Variants in RBFOX1 observed in about 807,000 individuals in gnomAD.
The protein encoded by RBFOX1 is RNA binding fox-1 homolog 1.
In RBFOX1, 8 loss-of-function variants were observed where a neutral mutation model predicts 57.7. The ratio of observed to expected loss-of-function variants is 0.14; its 90% CI spans 0.08 to 0.25. The LOEUF is 0.25. Among genes scored for constraint, RBFOX1 ranks in the 10% least tolerant of loss-of-function variants. The pLI, the probability that RBFOX1 is intolerant of heterozygous loss-of-function variation, is 1.00. For missense variants in RBFOX1, 611 were observed against 548.5 expected (o/e 1.11, Z -1.14); for synonymous variants, 326 against 222.4 (o/e 1.47, Z -4.15).
In RBFOX1 at chr16:6,886,784, A is replaced by G. The variant is rs960422828; in HGVS notation, c.-15-165273A>G. ...AAACAAAAACAAAACAAAACAAAAC[A>G]AAAAAAAAACCAGAAAAAAAAAGAA... On this transcript the variant is annotated intron_variant, in intron 3 of 15. Coordinates refer to ENST00000550418, the MANE Select transcript of RBFOX1 (RefSeq NM_018723.4). 3.6e-3 allele frequency among the ~76,000 whole-genome samples: 404 copies of G among 113,592 alleles called. 1 individual carries two copies. Among genetic ancestry groups the G allele is most frequent in the African/African-American group, 0.013 (371 of 27,774 alleles). 74.5% of individuals were successfully genotyped at this position (113,592 alleles called of 152,430 possible).
chr16:5,811,285 C>T (rs995603984), intron 3 of RBFOX1, among the ~76,000 whole-genome samples: 14 of 151,692 alleles, frequency 9.2e-5, no homozygotes, highest in East Asian at 3.9e-4. Context: ...AGGCACCCGC[C>T]ATCATGCCCA....
At chr16:6,788,705 G>T (rs1360608415) in intron 3 of RBFOX1, among the ~76,000 whole-genome samples, 2 of 151,834 alleles carry the variant, frequency 1.3e-5, no homozygotes, top group Non-Finnish European at 2.9e-5. Flanking sequence ...TCTATCTCCT[G>T]ATCTCGTGAT....
At chr16:5,898,057 T>A (rs1364392882) in intron 4 of RBFOX1, among the ~76,000 whole-genome samples, 1 of 152,090 alleles carries the variant, frequency 6.6e-6, no homozygotes, top group Non-Finnish European at 1.5e-5. Context: ...CTTGACTGGG[T>A]AGGCCTCAGG....
intron 3 of RBFOX1, among the ~76,000 whole-genome samples, chr16:6,865,819 T>G (rs1016328540): frequency 6.6e-6 from 1 of 152,190 alleles, no homozygotes; most frequent in African/African-American, 2.4e-5. Context: ...CACGGAGAAT[T>G]TTCAGGTACA....
chr16:5,314,776 G>C (rs1287467965), intron 1 of RBFOX1, among the ~76,000 whole-genome samples: 1 of 149,968 alleles, frequency 6.7e-6, no homozygotes, highest in African/African-American at 2.5e-5. Context: ...GCTGAGATTT[G>C]AGGCATGAGT....
chr16:6,848,169 C>A (rs894711345), intron 3 of RBFOX1, among the ~76,000 whole-genome samples: 2 of 151,896 alleles, frequency 1.3e-5, no homozygotes, highest in African/African-American at 4.8e-5. Context: ...CACAAGGAGG[C>A]TGATCACAGC....
intron 3 of RBFOX1, among the ~76,000 whole-genome samples, chr16:6,999,490 T>A (rs184406231): frequency 2.6e-5 from 4 of 151,780 alleles, no homozygotes; most frequent in African/African-American, 9.6e-5. Flanking sequence ...GCTGGAGCAT[T>A]CTCAGTTGTT....
chr16:7,252,847 C>A (rs116075562), intron 4 of RBFOX1, among the ~76,000 whole-genome samples: 1 of 152,018 alleles, frequency 6.6e-6, no homozygotes, highest in Admixed American at 6.6e-5. Flanking sequence ...TAAATTCAGA[C>A]CAAGTGATCT....
chr16:7,220,027 T>A (rs1422265328), intron 4 of RBFOX1, among the ~76,000 whole-genome samples: 2 of 152,222 alleles, frequency 1.3e-5, no homozygotes, highest in East Asian at 3.8e-4. Flanking sequence ...TAAGCCTTCA[T>A]TTTAAAATTA....
chr16:6,982,741 C>G (rs558002416), intron 3 of RBFOX1, among the ~76,000 whole-genome samples: 2 of 151,972 alleles, frequency 1.3e-5, no homozygotes, highest in Non-Finnish European at 2.9e-5. Flanking sequence ...GCCTGTAATC[C>G]CAACACTTTG....
chr16:7,306,461 G>A (rs2096189010), intron 4 of RBFOX1, among the ~76,000 whole-genome samples: 2 of 152,116 alleles, frequency 1.3e-5, no homozygotes, highest in South Asian at 4.1e-4. Flanking sequence ...GAAGATAGAT[G>A]GAGGGTGGAT....
chr16:5,923,166 G>A (rs539742593), intron 4 of RBFOX1, among the ~76,000 whole-genome samples: 2 of 152,304 alleles, frequency 1.3e-5, no homozygotes, highest in East Asian at 1.9e-4. Context: ...GAGGAAAAAC[G>A]GCTGCTAATG....
intron 3 of RBFOX1, among the ~76,000 whole-genome samples, chr16:5,813,873 C>T (rs915794285): frequency 6.6e-6 from 1 of 152,208 alleles, no homozygotes; most frequent in Admixed American, 6.5e-5. Flanking sequence ...TAAACATCTT[C>T]ACTGCTGACT....
chr16:6,983,928 C>G (rs568322029), intron 3 of RBFOX1, among the ~76,000 whole-genome samples: 13 of 152,266 alleles, frequency 8.5e-5, no homozygotes, highest in Admixed American at 7.8e-4. Context: ...CATAAGAGCA[C>G]AGTCTCTGCA....
chr16:5,645,416 G>A (rs766472157), intron 3 of RBFOX1, among the ~76,000 whole-genome samples: 4 of 152,158 alleles, frequency 2.6e-5, no homozygotes, highest in Non-Finnish European at 5.9e-5. Flanking sequence ...GTTTAGGAGA[G>A]CTGGGATGAG....
intron 2 of RBFOX1, among the ~76,000 whole-genome samples, chr16:6,494,243 A>C (rs888525524): frequency 6.6e-6 from 1 of 152,112 alleles, no homozygotes; most frequent in Non-Finnish European, 1.5e-5. Flanking sequence ...ACTTGCACGT[A>C]TTTGTGTGTA....
chr16:6,826,559 G>C (rs1303930443), intron 3 of RBFOX1, among the ~76,000 whole-genome samples: 1 of 152,076 alleles, frequency 6.6e-6, no homozygotes, highest in Non-Finnish European at 1.5e-5. Context: ...CGTGCTTGCG[G>C]GCATGCGTGC....
chr16:7,259,172 C>G (rs8053814), intron 4 of RBFOX1, among the ~76,000 whole-genome samples: 17,961 of 152,214 alleles, frequency 0.12, 3,057 homozygotes, highest in African/African-American at 0.38. Flanking sequence ...ATGACCTCTC[C>G]TCCACCATCA....
chr16:7,607,438 A>G, intron 10 of RBFOX1, 100 bp downstream of exon 10: 1 of 1,066,880 alleles, frequency 9.4e-7, no homozygotes. Flanking sequence ...GAAGCAAGTG[A>G]ATTCCTATCC....
Sources: gnomAD v4.1 joint callset for allele counts (sites outside exome capture counted in the v4.1 genomes callset) on GRCh38, gnomAD v4.1.1 for gene constraint, MANE v1.5 for transcripts, NCBI Gene and HGNC (gene_info 2026-07-23, HGNC 2026-07-21) for gene names.